Variants in KMT2C observed in about 807,000 individuals in gnomAD.
KMT2C encodes histone-lysine N-methyltransferase 2C.
In KMT2C, 88 loss-of-function variants were observed where a neutral mutation model predicts 507.9. The observed-to-expected ratio is 0.17, with a 90% CI of 0.15 to 0.21. The LOEUF (loss-of-function observed/expected upper bound fraction) is 0.21. Among genes scored for constraint, KMT2C ranks in the 10% least tolerant of loss-of-function variants. The probability of loss-of-function intolerance (pLI) is 1.00; values close to 1 mark genes in which losing one functional copy is unlikely to be tolerated. For missense variants in KMT2C, 4,954 were observed against 5,957.8 expected (o/e 0.83, Z 5.55); for synonymous variants, 2,049 against 2,080.8 (o/e 0.98, Z 0.42).
intron 1 of KMT2C, among the ~76,000 whole-genome samples, chr7:152,378,818 C>T (rs2097348577): frequency 6.6e-6 from 1 of 152,138 alleles, no homozygotes. Context: ...GTATTTCCAA[C>T]AGTGTATTAT....
intron 43 of KMT2C, among the ~76,000 whole-genome samples, chr7:152,161,376 G>T (rs2092447131): frequency 1.3e-5 from 2 of 152,040 alleles, no homozygotes; most frequent in Non-Finnish European, 2.9e-5. Flanking sequence ...AGCTCTCTAG[G>T]GACAGCTTTA....
intron 9 of KMT2C, among the ~76,000 whole-genome samples, chr7:152,260,595 T>C (rs2095752850): frequency 6.6e-6 from 1 of 152,156 alleles, no homozygotes; most frequent in South Asian, 2.1e-4. Flanking sequence ...AAGATTTTTC[T>C]TGTGACAGCA....
intron 23 of KMT2C, among the ~76,000 whole-genome samples, chr7:152,218,367 T>C (rs1482667857): frequency 3.9e-5 from 6 of 152,144 alleles, no homozygotes; most frequent in Non-Finnish European, 8.8e-5. Context: ...TTTTACCATG[T>C]TGGCCAGGAT....
chr7:152,422,998 C>CAG (rs1269356157), intron 1 of KMT2C, among the ~76,000 whole-genome samples: 1 of 143,512 alleles, frequency 7.0e-6, no homozygotes, highest in Non-Finnish European at 1.5e-5. Context: ...GCCTGGGCAA[C>CAG]AGAGCGAGAC....
At chr7:152,331,626 CAACAACAACA>C (rs1166043605) in intron 2 of KMT2C, among the ~76,000 whole-genome samples, 1 of 148,022 alleles carries the variant, frequency 6.8e-6, no homozygotes, top group Non-Finnish European at 1.5e-5. Context: ...ACAACAACAA[CAACAACAACA>C]AAAAGATTTT....
intron 26 of KMT2C, among the ~76,000 whole-genome samples, chr7:152,202,345 TA>T (rs2094169762): frequency 6.6e-6 from 1 of 152,218 alleles, no homozygotes; most frequent in South Asian, 2.1e-4. Flanking sequence ...CACATGGCCT[TA>T]AACTCTGACT....
chr7:152,332,851 AACACACACACAC>A lies in KMT2C; in HGVS notation c.251-2124_251-2113del, dbSNP rs35781658. 9.5e-3 allele frequency among the ~76,000 whole-genome samples: 1,314 copies of A among 138,596 alleles called. 12 individuals are homozygous for A. The highest frequency in any genetic ancestry group is 0.027 in the African/African-American group (971 of 36,586). 90.9% of individuals were successfully genotyped at this position (138,596 alleles called of 152,430 possible). A position where few individuals can be genotyped will look rare whatever the true frequency, so the allele number is the denominator to read the frequency against. Reference sequence around the variant, plus strand: ...CAACAGGAATGAAACTGCGTCTCAAAACACACACACACACACACACACACACACACACACACA... The same window carrying A: ...CAACAGGAATGAAACTGCGTCTCAAAACACACACACACACACACACACACA... On this transcript the variant is annotated intron_variant, in intron 2 of 58. Coordinates refer to ENST00000262189, the MANE Select transcript of KMT2C (RefSeq NM_170606.3).
chr7:152,137,032 T>G, intron 58 of KMT2C, 108 bp from the exon 59 acceptor site: 1 of 810,192 alleles, frequency 1.2e-6, no homozygotes, highest in Non-Finnish European at 2.0e-6. Flanking sequence ...CAGACGTAAA[T>G]TAAGGAAGAC....
intron 1 of KMT2C, among the ~76,000 whole-genome samples, chr7:152,397,014 A>T (rs1258998902): frequency 6.6e-6 from 1 of 152,218 alleles, no homozygotes; most frequent in Non-Finnish European, 1.5e-5. Context: ...GGTTTAACTA[A>T]TCAGAGGGCC....
intron 7 of KMT2C, among the ~76,000 whole-genome samples, chr7:152,272,934 T>C (rs1028275320): frequency 1.4e-4 from 21 of 151,770 alleles, no homozygotes; most frequent in Admixed American, 2.6e-4. Flanking sequence ...AGAGGTGACA[T>C]AAAAAAGATT....
intron 2 of KMT2C, among the ~76,000 whole-genome samples, chr7:152,336,475 G>C (rs1228447023): frequency 1.2e-4 from 18 of 152,148 alleles, no homozygotes; most frequent in Admixed American, 1.2e-3. Context: ...ATCCAGAGAT[G>C]CTCTGGATGA....
chr7:152,278,688 C>T (rs1266150014), intron 6 of KMT2C, among the ~76,000 whole-genome samples: 19 of 152,264 alleles, frequency 1.2e-4, no homozygotes, highest in African/African-American at 4.6e-4. Context: ...GCAGGTATAG[C>T]AATAATTGCA....
At chr7:152,336,103 C>G (rs1469600342) in intron 2 of KMT2C, among the ~76,000 whole-genome samples, 2 of 151,954 alleles carry the variant, frequency 1.3e-5, no homozygotes, top group Non-Finnish European at 2.9e-5. Flanking sequence ...TTTGGTTTTA[C>G]TTTTGGTTTA....
intron 44 of KMT2C, among the ~76,000 whole-genome samples, chr7:152,157,340 A>C (rs1563178083): frequency 6.6e-6 from 1 of 152,212 alleles, no homozygotes; most frequent in African/African-American, 2.4e-5. Context: ...AAAAAAAAAA[A>C]AAACCTACAA....
chr7:152,368,562 T>C (rs1251215646), intron 1 of KMT2C: 1 of 1,396,782 alleles, frequency 7.2e-7, no homozygotes, highest in South Asian at 1.2e-5. Flanking sequence ...GTCGTCAGTT[T>C]GAGGATGAGA....
chr7:152,380,244 A>T (rs2097361403), intron 1 of KMT2C, among the ~76,000 whole-genome samples: 1 of 146,022 alleles, frequency 6.8e-6, no homozygotes, highest in Non-Finnish European at 1.5e-5. Context: ...CATCTCCAAA[A>T]AAAAAAACAA....
At chr7:152,291,152 T>A (rs1189645699) in intron 6 of KMT2C, among the ~76,000 whole-genome samples, 1 of 152,170 alleles carries the variant, frequency 6.6e-6, no homozygotes, top group Admixed American at 6.5e-5. Flanking sequence ...CTATTAAGTA[T>A]TTGACTTAAT....
chr7:152,211,157 C>T (rs145429451), intron 23 of KMT2C, among the ~76,000 whole-genome samples: 26 of 152,212 alleles, frequency 1.7e-4, no homozygotes, highest in African/African-American at 6.0e-4. Context: ...TCCAAGAAAA[C>T]GCAGGTCACA....
intron 24 of KMT2C, among the ~76,000 whole-genome samples, chr7:152,206,721 A>T (rs1013886851): frequency 6.6e-5 from 10 of 152,116 alleles, no homozygotes; most frequent in Non-Finnish European, 1.5e-4. Context: ...AATTTTAATA[A>T]TTTTTTCCAA....
Sources: gnomAD v4.1 joint callset for allele counts (sites outside exome capture counted in the v4.1 genomes callset) on GRCh38, gnomAD v4.1.1 for gene constraint, MANE v1.5 for transcripts, NCBI Gene and HGNC (gene_info 2026-07-23, HGNC 2026-07-21) for gene names.